The following FBXO11 variants were observed in gnomAD, a reference collection of about 807,000 sequenced individuals.
FBXO11 encodes F-box protein 11.
FBXO11 carries 13 observed loss-of-function variants against 117.0 expected under a neutral mutation model. That is an observed-to-expected ratio of 0.11 (90% CI 0.07 to 0.18). The LOEUF is 0.18. Among genes scored for constraint, FBXO11 ranks in the 10% least tolerant of loss-of-function variants. The pLI is 1.00. For missense variants in FBXO11, 767 were observed against 1,164.4 expected (o/e 0.66, Z 4.97); for synonymous variants, 490 against 380.5 (o/e 1.29, Z -3.35).
At chr2:47,869,497 C>G (rs996693357) in intron 1 of FBXO11, among the ~76,000 whole-genome samples, 3 of 152,172 alleles carry the variant, frequency 2.0e-5, no homozygotes, top group African/African-American at 7.2e-5. Flanking sequence ...CAGTACCATG[C>G]CCTCTAATCA....
chr2:47,900,478 G>C (rs1678025790), intron 1 of FBXO11, among the ~76,000 whole-genome samples: 1 of 151,776 alleles, frequency 6.6e-6, no homozygotes, highest in Non-Finnish European at 1.5e-5. Context: ...GAACAGCAAG[G>C]AGTGTCTCCT....
chr2:47,903,159 G>T (rs1490738603), intron 1 of FBXO11, among the ~76,000 whole-genome samples: 2 of 152,080 alleles, frequency 1.3e-5, no homozygotes, highest in Non-Finnish European at 2.9e-5. Flanking sequence ...ATTTTTCAAA[G>T]AATAACATAT....
In FBXO11 at chr2:47,814,765, T is replaced by C. The variant is rs576427899; in HGVS notation, c.2007-898A>G. Among the ~76,000 whole-genome samples the C allele has an allele frequency of 5.3e-5, 8 of 152,376 alleles. No homozygotes were observed. The South Asian group carries it at 1.7e-3, about 32-fold the overall frequency. On this transcript the variant is annotated intron_variant, in intron 16 of 22. Transcript: ENST00000403359. The stretch of plus-strand genomic sequence containing the variant: ...CGGAAGATTTCTCTGTAGCATGCAA[T>C]GTTGTTATAGCATTTTGCTCACAGT...
chr2:47,813,185 GAAT>G (rs775430481), intron 18 of FBXO11, 46 bp downstream of exon 18: 3 of 1,558,958 alleles, frequency 1.9e-6, no homozygotes, highest in East Asian at 2.3e-5. Context: ...AGATATGGAA[GAAT>G]AATGGAAAAC....
At chr2:47,870,661 C>A (rs1675558079) in intron 1 of FBXO11, among the ~76,000 whole-genome samples, 1 of 152,176 alleles carries the variant, frequency 6.6e-6, no homozygotes, top group African/African-American at 2.4e-5. Context: ...GGTGCTGCTG[C>A]TACTTTGATT....
chr2:47,902,628 AG>A lies in FBXO11; in HGVS notation c.232+2860del, dbSNP rs372454085. Among the ~76,000 whole-genome samples, 64 of 152,304 alleles carry A rather than the reference AG, an allele frequency of 4.2e-4. 1 individual carries two copies. The highest frequency in any genetic ancestry group is 1.5e-3 in the African/African-American group (62 of 41,576). On this transcript the variant is annotated intron_variant, in intron 1 of 22. Coordinates refer to ENST00000403359, the MANE Select transcript of FBXO11 (RefSeq NM_001190274.2). ...GTAAATATATTTAAAAGTGGTGTCA[AG>A]GAAGTTTTTATACCAATTAACCTGT...
At position 47,900,894 on chromosome 2, in the gene FBXO11, A is replaced by ATACACACACGTGTATATATATACACG. The variant is rs1678188508; in HGVS notation, c.232+4594_232+4595insCGTGTATATATATACACGTGTGTGTA. Among the ~76,000 whole-genome samples the ATACACACACGTGTATATATATACACG allele has an allele frequency of 6.2e-5, 9 of 144,276 alleles. 1 individual carries two copies. The highest frequency in any genetic ancestry group is 4.1e-4 in the Admixed American group (6 of 14,612). The allele number at this position is 144,276 out of a possible 152,430, so 94.7% of individuals were successfully genotyped here. A position where few individuals can be genotyped will look rare whatever the true frequency, so the allele number is the denominator to read the frequency against. ...CACACGTGTATATATATACACGTAT[A>ATACACACACGTGTATATATATACACG]TATACACACATATATATGTATATAT... is the stretch of plus-strand genomic sequence containing the variant. On this transcript the variant is annotated intron_variant, in intron 1 of 22. Transcript: ENST00000403359.
At chr2:47,822,433 A>G in intron 12 of FBXO11, 130 bp from the exon 13 acceptor site, 1 of 597,264 alleles carries the variant, frequency 1.7e-6, no homozygotes, top group Non-Finnish European at 2.9e-6. Context: ...TTTCTTCATT[A>G]TTTCTAAGGC....
rs779065051 is a variant in FBXO11 at position 47,838,866 on chromosome 2, T to G, written c.580A>C (p.Ile194Leu). 1 of 1,613,338 alleles carries G rather than the reference T, an allele frequency of 6.2e-7. No individual in the cohort carries two copies. Among genetic ancestry groups the G allele is most frequent in the East Asian group, 2.2e-5 (1 of 44,860 alleles). Residue 194 changes from isoleucine to leucine, a missense_variant, in exon 4 of 23, where the codon ATT becomes CTT. This residue lies in a region of FBXO11 where 355 missense variants were observed against 299.8 expected (regional missense o/e 1.18). Transcript: ENST00000403359. Reference protein sequence around the residue: ...KRFSELANDPILWKRLYMEVF... With the variant: ...KRFSELANDPLLWKRLYMEVF... Reference sequence around the variant, plus strand: ...GAATAGGTTTTTACTTACCACAAAATTGGATCATTAGCAAGTTCACTGAAG... The same window carrying G: ...GAATAGGTTTTTACTTACCACAAAAGTGGATCATTAGCAAGTTCACTGAAG...
At chr2:47,836,396 T>C (rs1176982923) in intron 4 of FBXO11, among the ~76,000 whole-genome samples, 1 of 152,132 alleles carries the variant, frequency 6.6e-6, no homozygotes, top group East Asian at 1.9e-4. Flanking sequence ...TGAGACATAG[T>C]CTATTTCTAT....
Position 47,855,498 on chromosome 2 carries a change from G to A in FBXO11, c.233-15729C>T, listed in dbSNP as rs554262941. On this transcript the variant is annotated intron_variant, in intron 1 of 22. Coordinates refer to ENST00000403359, the MANE Select transcript of FBXO11 (RefSeq NM_001190274.2). ...AAAGAAAACAGGATGGACACCATCA[G>A]TGTACATAAGAAATTTCAACAGATT... Among the ~76,000 whole-genome samples, 3 of 152,278 alleles carry A rather than the reference G, an allele frequency of 2.0e-5. No individual in the cohort carries two copies. In the East Asian group the frequency reaches 5.8e-4, roughly 29 times the overall value.
chr2:47,812,424 G>T (rs1670683207), intron 18 of FBXO11, among the ~76,000 whole-genome samples: 1 of 152,180 alleles, frequency 6.6e-6, no homozygotes, highest in African/African-American at 2.4e-5. Flanking sequence ...TGACTTGCGT[G>T]AACCATTTCT....
At chr2:47,814,430 T>TTGGAGG (rs1168756621) in intron 16 of FBXO11, 1 of 149,228 alleles carries the variant, frequency 6.7e-6, no homozygotes, top group East Asian at 2.0e-4. Flanking sequence ...CAGGCTGGAG[T>TTGGAGG]TGCAGTGGCA....
chr2:47,810,348 C>A lies in FBXO11; in HGVS notation c.2306G>T (p.Arg769Met). 1 of 1,608,664 alleles carries A rather than the reference C, an allele frequency of 6.2e-7. No homozygotes were observed. The highest frequency in any genetic ancestry group is 8.5e-7 in the Non-Finnish European group (1 of 1,178,296). ...AAATCCATCAAATATTCTGTTTTTC[C>A]TTAAGATTGGATGACTATTAGTGCT... ...LISTNSHPIL[R>M]KNRIFDGFAA... Residue 769 changes from arginine to methionine, a missense_variant, in exon 19 of 23, where the codon AGG (arginine) becomes ATG (methionine). Physicochemically the swap from Arg to Met is moderately conservative, Grantham distance 91. Transcript: ENST00000403359.
At chr2:47,819,196 A>C in intron 14 of FBXO11, 118 bp from the exon 15 acceptor site, 1 of 871,668 alleles carries the variant, frequency 1.1e-6, no homozygotes, top group Non-Finnish European at 1.7e-6. Flanking sequence ...CATCCGAGTA[A>C]GGAGGTAATG....
rs139655927 is a variant in FBXO11 at position 47,861,099 on chromosome 2, C to A, written c.233-21330G>T. On this transcript the variant is annotated intron_variant, in intron 1 of 22. Transcript: ENST00000403359. ...TCCCAACCTCAGGTGATCCACCCGCCACGGCCTCCCAAAGTGCTGGAATTA... is the reference window on the plus strand; with the variant it reads ...TCCCAACCTCAGGTGATCCACCCGCAACGGCCTCCCAAAGTGCTGGAATTA... Among the ~76,000 whole-genome samples the A allele has an allele frequency of 3.6e-3, 544 of 152,148 alleles. 3 individuals are homozygous for A. The highest frequency in any genetic ancestry group is 0.012 in the African/African-American group (510 of 41,510).
rs1177242508 is a variant in FBXO11, at chr2:47,867,524, A to C, written c.233-27755T>G. Among the ~76,000 whole-genome samples the C allele has an allele frequency of 2.6e-5, 4 of 152,220 alleles. No homozygotes were observed. In the East Asian group the frequency reaches 7.7e-4, roughly 29 times the overall value. ...GGAGGAGAGCCAAAAATAATTACTA[A>C]GCAGTATAAATGATTACTGTAAGTC... On this transcript the variant is annotated intron_variant, in intron 1 of 22. Transcript: ENST00000403359.
chr2:47,903,653 G>GT (rs1460610270), intron 1 of FBXO11, among the ~76,000 whole-genome samples: 4 of 152,124 alleles, frequency 2.6e-5, no homozygotes, highest in African/African-American at 9.7e-5. Context: ...AGACTAAATT[G>GT]TTTGACACGT....
chr2:47,889,009 G>A (rs186215085), intron 1 of FBXO11, among the ~76,000 whole-genome samples: 1 of 152,204 alleles, frequency 6.6e-6, no homozygotes, highest in East Asian at 1.9e-4. Flanking sequence ...AACACACCTT[G>A]GACTAGAGAA....
Sources: allele counts gnomAD v4.1 joint callset (sites outside exome capture counted in the v4.1 genomes callset), GRCh38; gene constraint gnomAD v4.1.1; regional missense constraint gnomAD v4.1.1; transcripts MANE v1.5; gene names NCBI Gene and HGNC (gene_info 2026-07-23, HGNC 2026-07-21).